The following FHIT variants were observed in gnomAD, a reference collection of about 807,000 sequenced individuals.
FHIT encodes fragile histidine triad diadenosine triphosphatase.
In FHIT, 19 loss-of-function variants were observed where a neutral mutation model predicts 17.9. The observed-to-expected ratio is 1.06, with a 90% CI of 0.74 to 1.56. The LOEUF is 1.56. Ranked by LOEUF, FHIT falls within the 40% of genes most tolerant of loss-of-function variation. The pLI is 0.00. For synonymous variants in FHIT, 81 were observed against 69.7 expected, an observed-to-expected ratio of 1.16 and a Z score of -0.81; for missense variants, 248 against 189.2, an observed-to-expected ratio of 1.31 and a Z score of -1.82.
At chr3:60,240,389 A>T (rs1329838034) in intron 5 of FHIT, among the ~76,000 whole-genome samples, 1 of 152,206 alleles carries the variant, frequency 6.6e-6, no homozygotes, top group African/African-American at 2.4e-5. Context: ...CAAAACCCTT[A>T]AATTTCCATC....
intron 1 of FHIT, among the ~76,000 whole-genome samples, chr3:61,226,758 C>A (rs1311612516): frequency 6.6e-6 from 1 of 152,128 alleles, no homozygotes; most frequent in Admixed American, 6.5e-5. Flanking sequence ...TACACAAATG[C>A]AAATGCAAAT....
At chr3:60,161,170 C>T (rs1383957806) in intron 5 of FHIT, among the ~76,000 whole-genome samples, 1 of 152,116 alleles carries the variant, frequency 6.6e-6, no homozygotes, top group Non-Finnish European at 1.5e-5. Flanking sequence ...TTTTTATCTG[C>T]CCATCATGTT....
At chr3:60,150,220 C>A (rs1700407453) in intron 5 of FHIT, among the ~76,000 whole-genome samples, 1 of 152,018 alleles carries the variant, frequency 6.6e-6, no homozygotes, top group Non-Finnish European at 1.5e-5. Flanking sequence ...TGGTCTCGAG[C>A]TCCTGACCTC....
intron 5 of FHIT, among the ~76,000 whole-genome samples, chr3:60,172,767 C>G (rs781266831): frequency 5.3e-5 from 8 of 152,102 alleles, no homozygotes; most frequent in Non-Finnish European, 8.8e-5. Context: ...AGAGGCTCCT[C>G]CAAGCAGGAC....
intron 5 of FHIT, among the ~76,000 whole-genome samples, chr3:60,451,119 C>G (rs1458138849): frequency 6.6e-6 from 1 of 151,994 alleles, no homozygotes; most frequent in East Asian, 1.9e-4. Flanking sequence ...AATGAAAAGC[C>G]CAATATGTTT....
chr3:59,874,222 A>C (rs1405075601), intron 8 of FHIT, among the ~76,000 whole-genome samples: 2 of 152,216 alleles, frequency 1.3e-5, no homozygotes, highest in African/African-American at 2.4e-5. Context: ...AAAGCTCTCA[A>C]GTCCATCGAT....
At chr3:60,333,956 C>T (rs1052149288) in intron 5 of FHIT, among the ~76,000 whole-genome samples, 7 of 131,780 alleles carry the variant, frequency 5.3e-5, no homozygotes, top group African/African-American at 2.0e-4. Context: ...TCCTGTTTTC[C>T]TACACATGGT....
chr3:61,137,918 CTCTT>C (rs1488284499), intron 2 of FHIT, among the ~76,000 whole-genome samples: 1 of 152,210 alleles, frequency 6.6e-6, no homozygotes, highest in Non-Finnish European at 1.5e-5. Context: ...GTATTCCTCT[CTCTT>C]TCTTTCTCCC....
chr3:60,179,501 C>T (rs865945591), intron 5 of FHIT, among the ~76,000 whole-genome samples: 2 of 152,108 alleles, frequency 1.3e-5, no homozygotes, highest in Non-Finnish European at 2.9e-5. Context: ...GAACTTGTTC[C>T]GTGACCTTCC....
intron 2 of FHIT, among the ~76,000 whole-genome samples, chr3:61,157,411 T>A (rs1470042557): frequency 6.6e-6 from 1 of 152,158 alleles, no homozygotes; most frequent in Non-Finnish European, 1.5e-5. Flanking sequence ...TGAGCACATA[T>A]GTCAAACTCC....
chr3:59,790,859 T>G (rs1231680952), intron 8 of FHIT, among the ~76,000 whole-genome samples: 1 of 152,110 alleles, frequency 6.6e-6, no homozygotes, highest in Non-Finnish European at 1.5e-5. Flanking sequence ...TAAGTAAACT[T>G]TTTTTTAATG....
chr3:60,499,226 A>C (rs919057362), intron 5 of FHIT, among the ~76,000 whole-genome samples: 3 of 152,140 alleles, frequency 2.0e-5, no homozygotes, highest in African/African-American at 4.8e-5. Context: ...TTGCAGCAAA[A>C]TAATGTTTAT....
intron 4 of FHIT, chr3:60,732,684 CTTTTTTTTTTT>C (rs3038041): frequency 1.2e-5 from 2 of 166,694 alleles, no homozygotes. Flanking sequence ...GCAAAGACTG[CTTTTTTTTTTT>C]TTTTTTTTTT....
At chr3:61,181,244 C>T (rs1219544710) in intron 2 of FHIT, among the ~76,000 whole-genome samples, 1 of 152,098 alleles carries the variant, frequency 6.6e-6, no homozygotes, top group African/African-American at 2.4e-5. Flanking sequence ...ATAATAGTAA[C>T]ATTATATTTT....
chr3:59,945,601 C>T (rs143750506), intron 7 of FHIT, among the ~76,000 whole-genome samples: 75 of 151,634 alleles, frequency 4.9e-4, no homozygotes, highest in African/African-American at 1.7e-3. Flanking sequence ...TTCCAGAGAC[C>T]GTGTACAGAA....
chr3:59,917,105 C>G (rs1705169439), intron 8 of FHIT, among the ~76,000 whole-genome samples: 1 of 152,358 alleles, frequency 6.6e-6, no homozygotes, highest in South Asian at 2.1e-4. Context: ...ATGGTTCTCT[C>G]CAGCCCTCAG....
intron 4 of FHIT, among the ~76,000 whole-genome samples, chr3:60,631,571 A>T (rs970573020): frequency 5.3e-5 from 8 of 152,274 alleles, no homozygotes; most frequent in African/African-American, 1.9e-4. Context: ...TAACACTTAG[A>T]GAAGAGGGGA....
intron 7 of FHIT, among the ~76,000 whole-genome samples, chr3:59,980,402 G>T (rs553463934): frequency 2.6e-5 from 4 of 152,286 alleles, no homozygotes; most frequent in Admixed American, 6.5e-5. Flanking sequence ...AGAGTCCCCA[G>T]TTTTGCCCAG....
intron 5 of FHIT, among the ~76,000 whole-genome samples, chr3:60,363,277 G>A (rs567637413): frequency 6.6e-6 from 1 of 152,246 alleles, no homozygotes; most frequent in African/African-American, 2.4e-5. Flanking sequence ...AGTGACGTGT[G>A]TGTGTGCCTA....
Sources: gnomAD v4.1 joint callset for allele counts (sites outside exome capture counted in the v4.1 genomes callset) on GRCh38, gnomAD v4.1.1 for gene constraint, MANE v1.5 for transcripts, NCBI Gene and HGNC (gene_info 2026-07-23, HGNC 2026-07-21) for gene names.